Variants in NYAP2 observed in about 807,000 individuals in gnomAD.
The protein encoded by NYAP2 is neuronal tyrosine-phosphorylated phosphoinositide-3-kinase adapter 2.
Under a neutral mutation model 50.4 loss-of-function variants are expected in NYAP2, and 23 were observed. The ratio of observed to expected loss-of-function variants is 0.46; its 90% CI spans 0.33 to 0.65. The LOEUF (loss-of-function observed/expected upper bound fraction) is 0.65. Ranked by LOEUF, NYAP2 falls within the 30% of genes least tolerant of loss-of-function variation. The pLI, the probability that NYAP2 is intolerant of heterozygous loss-of-function variation, is 0.02. For synonymous variants in NYAP2, 394 were observed against 365.2 expected (o/e 1.08, Z -0.90); for missense variants, 885 against 861.0 (o/e 1.03, Z -0.35).
chr2:225,480,421 G>C (rs1414099144), intron 3 of NYAP2, among the ~76,000 whole-genome samples: 1 of 152,058 alleles, frequency 6.6e-6, no homozygotes, highest in Non-Finnish European at 1.5e-5. Context: ...AAAACCAAGT[G>C]GGTGAGTTTA....
the NYAP2 span, among the ~76,000 whole-genome samples, chr2:225,663,799 G>C: frequency 1.3e-5 from 2 of 151,248 alleles, no homozygotes; most frequent in African/African-American, 4.9e-5. Context: ...CTTGTGATCT[G>C]CCTGCCTCAG....
chr2:225,532,491 T>G (rs1194699166), intron 4 of NYAP2, among the ~76,000 whole-genome samples: 2 of 152,156 alleles, frequency 1.3e-5, no homozygotes, highest in African/African-American at 4.8e-5. Context: ...TTAAATTAAG[T>G]GGTCTACATG....
intron 3 of NYAP2, among the ~76,000 whole-genome samples, chr2:225,509,397 A>G (rs955168146): frequency 6.6e-6 from 1 of 152,132 alleles, no homozygotes; most frequent in Non-Finnish European, 1.5e-5. Flanking sequence ...AATGGCAATG[A>G]CACTTCTGTT....
chr2:225,678,794 TG>T, the NYAP2 span, among the ~76,000 whole-genome samples: 1 of 152,138 alleles, frequency 6.6e-6, no homozygotes, highest in Non-Finnish European at 1.5e-5. Context: ...TGGATGTAAA[TG>T]TGCAGACATA....
At chr2:225,682,796 C>T in the NYAP2 span, among the ~76,000 whole-genome samples, 10 of 152,034 alleles carry the variant, frequency 6.6e-5, no homozygotes, top group Non-Finnish European at 1.5e-4. Context: ...GGATGGGTGC[C>T]ATAAGCTGAG....
At chr2:225,532,959 A>G (rs1691284210) in intron 4 of NYAP2, among the ~76,000 whole-genome samples, 1 of 152,196 alleles carries the variant, frequency 6.6e-6, no homozygotes, top group Non-Finnish European at 1.5e-5. Context: ...TAGAGAAACA[A>G]GAAAGATAGA....
intron 4 of NYAP2, among the ~76,000 whole-genome samples, chr2:225,567,087 G>T (rs1265492918): frequency 6.6e-6 from 1 of 152,172 alleles, no homozygotes; most frequent in Admixed American, 6.5e-5. Context: ...TAGGCCATAA[G>T]GTAGAGCCTG....
At chr2:225,608,254 G>A (rs1160314778) in intron 5 of NYAP2, among the ~76,000 whole-genome samples, 1 of 152,042 alleles carries the variant, frequency 6.6e-6, no homozygotes, top group African/African-American at 2.4e-5. Context: ...CGTTGAAAAG[G>A]GTATTTTAGA....
chr2:225,489,908 T>C (rs151182516), intron 3 of NYAP2, among the ~76,000 whole-genome samples: 467 of 152,310 alleles, frequency 3.1e-3, no homozygotes, highest in African/African-American at 0.01. Flanking sequence ...ATCCAATGTA[T>C]AGCCAAGTTT....
intron 3 of NYAP2, among the ~76,000 whole-genome samples, chr2:225,471,080 A>G (rs944349197): frequency 6.6e-6 from 1 of 152,242 alleles, no homozygotes; most frequent in Non-Finnish European, 1.5e-5. Context: ...TCAAATCAAT[A>G]TAGAGGGATT....
At chr2:225,691,844 G>C in the NYAP2 span, among the ~76,000 whole-genome samples, 1 of 152,052 alleles carries the variant, frequency 6.6e-6, no homozygotes, top group Non-Finnish European at 1.5e-5. Flanking sequence ...AGAGAACTTT[G>C]AGAACTCCAG....
At chr2:225,410,995 A>C (rs778341856) in intron 3 of NYAP2, among the ~76,000 whole-genome samples, 1 of 152,180 alleles carries the variant, frequency 6.6e-6, no homozygotes, top group Non-Finnish European at 1.5e-5. Context: ...TGTTAATAGC[A>C]TAAAAGTAAA....
intron 4 of NYAP2, among the ~76,000 whole-genome samples, chr2:225,545,004 T>C (rs1691547085): frequency 6.6e-6 from 1 of 152,208 alleles, no homozygotes; most frequent in Non-Finnish European, 1.5e-5. Flanking sequence ...TTTAAATATG[T>C]CATGCTACTC....
intron 5 of NYAP2, among the ~76,000 whole-genome samples, chr2:225,612,852 C>CACCCAATGTGTGTGATGACATCCCACCCA (rs1446876319): frequency 6.8e-6 from 1 of 146,086 alleles, no homozygotes. Flanking sequence ...GATGACATCA[C>CACCCAATGTGTGTGATGACATCCCACCCA]ATCTGGGTCT....
chr2:225,649,048 C>T (rs1281175142), intron 6 of NYAP2, among the ~76,000 whole-genome samples: 1 of 152,046 alleles, frequency 6.6e-6, no homozygotes, highest in Non-Finnish European at 1.5e-5. Context: ...TTAAAAGTAG[C>T]AGGAGGAATA....
intron 2 of NYAP2, among the ~76,000 whole-genome samples, chr2:225,402,675 T>C (rs1463612872): frequency 2.0e-5 from 3 of 152,046 alleles, no homozygotes; most frequent in African/African-American, 2.4e-5. Context: ...AAAAAAGCAA[T>C]CAGTGTCTTT....
At chr2:225,554,503 T>C (rs911642151) in intron 4 of NYAP2, among the ~76,000 whole-genome samples, 1 of 152,020 alleles carries the variant, frequency 6.6e-6, no homozygotes, top group African/African-American at 2.4e-5. Context: ...TTTTGTACTT[T>C]TAGTAGAGAC....
chr2:225,478,913 CTTCA>C (rs1412960937), intron 3 of NYAP2, among the ~76,000 whole-genome samples: 1 of 152,140 alleles, frequency 6.6e-6, no homozygotes, highest in African/African-American at 2.4e-5. Flanking sequence ...GAAGATGACT[CTTCA>C]TGGACCAAAC....
chr2:225,623,393 C>A (rs944252862), intron 5 of NYAP2, among the ~76,000 whole-genome samples: 5 of 152,154 alleles, frequency 3.3e-5, no homozygotes, highest in African/African-American at 1.2e-4. Flanking sequence ...TGAGTCTTGG[C>A]CAATCATAGC....
Sources: allele counts gnomAD v4.1 joint callset (sites outside exome capture counted in the v4.1 genomes callset), GRCh38; gene constraint gnomAD v4.1.1; transcripts MANE v1.5; gene names NCBI Gene and HGNC (gene_info 2026-07-23, HGNC 2026-07-21).